STYXL2: variants seen among roughly 807,000 people sequenced by gnomAD.
The protein encoded by STYXL2 is serine/threonine/tyrosine interacting like 2, also known as serine/threonine/tyrosine-interacting-like protein 2.
In STYXL2, 44 loss-of-function variants were observed where a neutral mutation model predicts 52.4. The ratio of observed to expected loss-of-function variants is 0.84; its 90% CI spans 0.66 to 1.08. The LOEUF is 1.08. Among genes scored for constraint, STYXL2 ranks in the 50% least tolerant of loss-of-function variants. The pLI is 0.00. For missense variants in STYXL2, 1,604 were observed against 1,471.7 expected (o/e 1.09, Z -1.47); for synonymous variants, 604 against 586.9 (o/e 1.03, Z -0.42).
chr1:167,126,997 G>A lies in STYXL2; in HGVS notation c.1866G>A (p.Lys622=). 1 of 1,607,814 alleles carries A rather than the reference G, an allele frequency of 6.2e-7. No homozygotes were observed. The highest frequency in any genetic ancestry group is 8.5e-7 in the Non-Finnish European group (1 of 1,176,468). ...GGGAGGACTCGGCCTTGGCTAAGAA[G>A]AGACAACGGAGGCTGGAGCTGCTGG... The part of the protein sequence containing the change: ...SKGEDSALAK[K]RQRRLELLER... The change falls in exon 6 of 6, where the codon AAG becomes AAA. Residue 622 remains lysine (K), a synonymous_variant. Transcript: ENST00000361200.
chr1:167,120,674 A>G (rs1162051483), intron 5 of STYXL2, among the ~76,000 whole-genome samples: 2 of 151,690 alleles, frequency 1.3e-5, no homozygotes, highest in Non-Finnish European at 2.9e-5. Flanking sequence ...TCTGTTGCCC[A>G]GGCTGCTGGA....
At position 167,117,075 on chromosome 1, in the gene STYXL2, G is replaced by A. The variant is rs144112235; in HGVS notation, c.206-253G>A. ...TATCGACCAGCTTCAGAGAAGCATGGGAGGGAGTAAAAGAAATTGGATCCC... is the reference window on the plus strand; with the variant it reads ...TATCGACCAGCTTCAGAGAAGCATGAGAGGGAGTAAAAGAAATTGGATCCC... On this transcript the variant is annotated intron_variant, in intron 3 of 5. Coordinates refer to ENST00000361200, the MANE Select transcript of STYXL2 (RefSeq NM_001080426.3). Among the ~76,000 whole-genome samples the A allele has an allele frequency of 3.5e-3, 540 of 152,288 alleles. 4 individuals carry two copies. Among genetic ancestry groups the A allele is most frequent in the African/African-American group, 0.012 (510 of 41,550 alleles).
At chr1:167,105,431 G>T (rs1405002292) in intron 2 of STYXL2, among the ~76,000 whole-genome samples, 1 of 151,740 alleles carries the variant, frequency 6.6e-6, no homozygotes, top group Non-Finnish European at 1.5e-5. Context: ...TTTTTTCCCT[G>T]CCTGTCTTTC....
At chr1:167,103,414 A>G (rs933514940) in intron 2 of STYXL2, among the ~76,000 whole-genome samples, 1 of 152,156 alleles carries the variant, frequency 6.6e-6, no homozygotes, top group Non-Finnish European at 1.5e-5. Context: ...TCACCCAGTG[A>G]TCCAAACAGC....
At chr1:167,120,350 G>A (rs529241398) in intron 5 of STYXL2, among the ~76,000 whole-genome samples, 1 of 152,328 alleles carries the variant, frequency 6.6e-6, no homozygotes, top group South Asian at 2.1e-4. Context: ...TATATACAAT[G>A]TGACCTTGGG....
intron 2 of STYXL2, among the ~76,000 whole-genome samples, chr1:167,108,313 T>C (rs1268970163): frequency 6.6e-6 from 1 of 152,174 alleles, no homozygotes; most frequent in African/African-American, 2.4e-5. Flanking sequence ...TGTACCTTTA[T>C]AGAGCTCACT....
intron 2 of STYXL2, among the ~76,000 whole-genome samples, chr1:167,108,978 T>C (rs1403896529): frequency 1.3e-5 from 2 of 151,846 alleles, no homozygotes; most frequent in Admixed American, 6.6e-5. Flanking sequence ...GAGAAACATA[T>C]AAAAGTAGAA....
At chr1:167,102,543 C>G (rs10494468) in intron 2 of STYXL2, among the ~76,000 whole-genome samples, 46,196 of 151,960 alleles carry the variant, frequency 0.3, 7,201 homozygotes, top group African/African-American at 0.34. Flanking sequence ...TTGATAAATG[C>G]TGGTTCTCAT....
At chr1:167,098,927 T>C (rs1475415778) in intron 2 of STYXL2, among the ~76,000 whole-genome samples, 1 of 152,204 alleles carries the variant, frequency 6.6e-6, no homozygotes, top group South Asian at 2.1e-4. Context: ...TGCTGTACTC[T>C]GCTGACACAA....
chr1:167,102,934 T>TG, intron 2 of STYXL2, among the ~76,000 whole-genome samples: 1 of 105,776 alleles, frequency 9.5e-6, no homozygotes. Flanking sequence ...AGCAAATTAC[T>TG]ACAAACTAGG....
At chr1:167,116,988 G>A (rs985863000) in intron 3 of STYXL2, among the ~76,000 whole-genome samples, 14 of 152,168 alleles carry the variant, frequency 9.2e-5, no homozygotes, top group Non-Finnish European at 1.5e-4. Flanking sequence ...ACTGGGCACT[G>A]TGGGAGTTAT....
intron 2 of STYXL2, among the ~76,000 whole-genome samples, chr1:167,111,995 G>A (rs1436705534): frequency 6.6e-6 from 1 of 152,120 alleles, no homozygotes; most frequent in Non-Finnish European, 1.5e-5. Flanking sequence ...GCCAGGCCAT[G>A]GAGAAGGAAA....
chr1:167,115,967 G>A (rs2102237605), intron 3 of STYXL2, among the ~76,000 whole-genome samples: 1 of 152,258 alleles, frequency 6.6e-6, no homozygotes, highest in South Asian at 2.1e-4. Flanking sequence ...CAGACCCCTG[G>A]GAGGAGCAGA....
Position 167,125,976 on chromosome 1 carries a change from G to C in STYXL2, c.845G>C (p.Arg282Thr). 3 of 1,613,534 alleles carry C rather than the reference G, an allele frequency of 1.9e-6. No homozygotes were observed. The highest frequency in any genetic ancestry group is 2.5e-6 in the Non-Finnish European group (3 of 1,179,828). Residue 282 changes from arginine (R) to threonine (T), a missense_variant, in exon 6 of 6, where the codon AGA (arginine) becomes ACA (threonine). By Grantham distance (71) the Arg-to-Thr change is moderately conservative. Coordinates refer to ENST00000361200, the MANE Select transcript of STYXL2 (RefSeq NM_001080426.3). ...RELNEKLMEE[R>T]EEDYGREGGS... is the part of the protein sequence containing the mutation. ...CTCAATGAGAAGTTGATGGAGGAGA[G>C]AGAAGAGGACTATGGCCGGGAGGGG...
chr1:167,117,569 A>G lies in STYXL2; in HGVS notation c.437+10A>G. 1.3e-6 allele frequency: 2 copies of G among 1,577,510 alleles called. No individual in the cohort carries two copies. The highest frequency in any genetic ancestry group is 2.3e-5 in the South Asian group (2 of 86,060). On this transcript the variant is annotated intron_variant, in intron 4 of 5. Transcript: ENST00000361200. Reference sequence around the variant, plus strand: ...TCTTCATAGCTGAGAAGTGAGTCTGACTGCTCTTCATGACCCTTTGTCCTA... The same window carrying G: ...TCTTCATAGCTGAGAAGTGAGTCTGGCTGCTCTTCATGACCCTTTGTCCTA...
chr1:167,108,875 C>T (rs533274712), intron 2 of STYXL2, among the ~76,000 whole-genome samples: 2 of 152,344 alleles, frequency 1.3e-5, no homozygotes, highest in South Asian at 4.1e-4. Flanking sequence ...GAAAGTCTGC[C>T]TCCAAACACA....
At chr1:167,104,287 T>C (rs1221343273) in intron 2 of STYXL2, among the ~76,000 whole-genome samples, 1 of 152,156 alleles carries the variant, frequency 6.6e-6, no homozygotes. Flanking sequence ...TGGTTTCTAC[T>C]TGACTTTATA....
At position 167,119,360 on chromosome 1, in the gene STYXL2, G is replaced by A. The variant is rs1667799639; in HGVS notation, c.549G>A (p.Glu183=). The change falls in exon 5 of 6, where the codon GAG becomes GAA. Residue 183 remains glutamate, a synonymous_variant. Transcript: ENST00000361200. ...YTGPEFYTGL[E]IQYLGVEVDD... ...GCCCCGAATTCTACACTGGCCTGGA[G>A]ATCCAGTACCTGGGTGTAGAGGTGG... 1 of 1,614,248 alleles carries A rather than the reference G, an allele frequency of 6.2e-7. No homozygotes were observed. Among genetic ancestry groups the A allele is most frequent in the East Asian group, 2.2e-5 (1 of 44,892 alleles).
At chr1:167,125,002 G>C (rs916355260) in intron 5 of STYXL2, among the ~76,000 whole-genome samples, 1 of 150,620 alleles carries the variant, frequency 6.6e-6, no homozygotes, top group Non-Finnish European at 1.5e-5. Flanking sequence ...GAGGAAAGTA[G>C]CTAGAATAGT....
Sources: gnomAD v4.1 joint callset for allele counts (sites outside exome capture counted in the v4.1 genomes callset) on GRCh38, gnomAD v4.1.1 for gene constraint, MANE v1.5 for transcripts, NCBI Gene and HGNC (gene_info 2026-07-23, HGNC 2026-07-21) for gene names.